Variants in SHANK2 observed in about 807,000 individuals in gnomAD.
SHANK2 encodes SH3 and multiple ankyrin repeat domains protein 2.
A neutral mutation model predicts 133.7 loss-of-function variants in SHANK2; 43 were observed. That is an observed-to-expected ratio of 0.32 (90% CI 0.25 to 0.41). The LOEUF (loss-of-function observed/expected upper bound fraction) is 0.41. Ranked by LOEUF, SHANK2 falls within the 10% of genes least tolerant of loss-of-function variation. The pLI, the probability that SHANK2 is intolerant of heterozygous loss-of-function variation, is 1.00. For missense variants in SHANK2, 1,994 were observed against 2,235.8 expected, an observed-to-expected ratio of 0.89 and a Z score of 2.18; for synonymous variants, 1,017 against 952.8, an observed-to-expected ratio of 1.07 and a Z score of -1.24.
intron 1 of SHANK2, among the ~76,000 whole-genome samples, chr11:71,243,252 T>C (rs1372474888): frequency 6.6e-6 from 1 of 151,882 alleles, no homozygotes; most frequent in African/African-American, 2.4e-5. Context: ...AGAAAAGCAA[T>C]AAAGAAAATC....
At chr11:70,672,424 C>T (rs1310284272) in intron 15 of SHANK2, among the ~76,000 whole-genome samples, 1 of 152,228 alleles carries the variant, frequency 6.6e-6, no homozygotes, top group African/African-American at 2.4e-5. Flanking sequence ...CTTTTGTGAT[C>T]TGATTCATGC....
At chr11:70,600,455 GA>G (rs2060479491) in intron 17 of SHANK2, among the ~76,000 whole-genome samples, 1 of 147,016 alleles carries the variant, frequency 6.8e-6, no homozygotes, top group African/African-American at 2.5e-5. Flanking sequence ...AAAAGAAAAA[GA>G]AAAAAAGAAG....
chr11:71,127,869 C>T (rs1555103033), intron 3 of SHANK2, among the ~76,000 whole-genome samples: 1 of 152,224 alleles, frequency 6.6e-6, no homozygotes, highest in East Asian at 1.9e-4. Context: ...ATGTTCAGGT[C>T]ATTTCTGGAT....
chr11:70,539,155 C>A (rs1591552333), intron 17 of SHANK2, among the ~76,000 whole-genome samples: 1 of 152,172 alleles, frequency 6.6e-6, no homozygotes, highest in African/African-American at 2.4e-5. Context: ...CAGAGGCAGG[C>A]CCATGCACAC....
intron 10 of SHANK2, chr11:70,942,948 TCC>T (rs2135853616): frequency 2.2e-6 from 1 of 451,140 alleles, no homozygotes; most frequent in Non-Finnish European, 4.5e-6. Context: ...GGAAAGTGCA[TCC>T]CTCTCAAAGC....
intron 2 of SHANK2, among the ~76,000 whole-genome samples, chr11:71,148,331 G>A (rs1159346775): frequency 6.6e-6 from 1 of 152,262 alleles, no homozygotes; most frequent in East Asian, 1.9e-4. Context: ...TGATCCACCC[G>A]CCTTGGCCTC....
intron 3 of SHANK2, among the ~76,000 whole-genome samples, chr11:71,124,142 T>C (rs1385843993): frequency 2.3e-5 from 3 of 131,600 alleles, no homozygotes; most frequent in Non-Finnish European, 4.9e-5. Context: ...ATGGTGATAA[T>C]GGTGATGATG....
intron 14 of SHANK2, among the ~76,000 whole-genome samples, chr11:70,717,656 C>T (rs924756909): frequency 2.0e-5 from 3 of 152,134 alleles, no homozygotes; most frequent in African/African-American, 7.2e-5. Flanking sequence ...CAGCCCACAG[C>T]GTACCTCCAA....
chr11:71,180,486 C>T (rs1299084343), intron 2 of SHANK2, among the ~76,000 whole-genome samples: 1 of 152,042 alleles, frequency 6.6e-6, no homozygotes, highest in Admixed American at 6.6e-5. Context: ...AGTTCCTTAC[C>T]CTGTGCCCAT....
At chr11:70,919,630 C>T (rs1950320122) in intron 10 of SHANK2, among the ~76,000 whole-genome samples, 1 of 152,202 alleles carries the variant, frequency 6.6e-6, no homozygotes, top group African/African-American at 2.4e-5. Context: ...GATCCACCCG[C>T]CTTGACCTCC....
At chr11:70,879,112 T>C (rs1381100229) in intron 11 of SHANK2, among the ~76,000 whole-genome samples, 1 of 152,206 alleles carries the variant, frequency 6.6e-6, no homozygotes, top group Non-Finnish European at 1.5e-5. Flanking sequence ...GATGCCTCCA[T>C]CTGGCACCTG....
chr11:70,591,754 C>G (rs530013342), intron 17 of SHANK2, among the ~76,000 whole-genome samples: 2 of 152,104 alleles, frequency 1.3e-5, no homozygotes, highest in African/African-American at 2.4e-5. Flanking sequence ...CGGTGGCTCA[C>G]ACCTGTAATC....
chr11:70,478,425 A>G (rs2058691414), intron 25 of SHANK2, among the ~76,000 whole-genome samples: 1 of 152,348 alleles, frequency 6.6e-6, no homozygotes, highest in Admixed American at 6.5e-5. Flanking sequence ...GAGCCTGTCA[A>G]CATATGTTCT....
At chr11:70,599,959 G>GAAAGA (rs1169364429) in intron 17 of SHANK2, among the ~76,000 whole-genome samples, 2 of 126,690 alleles carry the variant, frequency 1.6e-5, no homozygotes, top group Non-Finnish European at 3.3e-5. Flanking sequence ...AAGAAAGAAA[G>GAAAGA]AAAGAAAGAA....
At chr11:71,181,134 G>C (rs962443151) in intron 2 of SHANK2, among the ~76,000 whole-genome samples, 1 of 152,056 alleles carries the variant, frequency 6.6e-6, no homozygotes, top group Non-Finnish European at 1.5e-5. Flanking sequence ...TGGAGAAGCC[G>C]ACCAGCTTGC....
chr11:71,150,985 C>A (rs1349356693), intron 2 of SHANK2, among the ~76,000 whole-genome samples: 1 of 152,146 alleles, frequency 6.6e-6, no homozygotes, highest in African/African-American at 2.4e-5. Flanking sequence ...GCCTCCTGAG[C>A]CCACTCCACC....
chr11:70,896,440 C>A, intron 11 of SHANK2, 61 bp downstream of exon 11: 1 of 668,230 alleles, frequency 1.5e-6, no homozygotes, highest in Non-Finnish European at 2.8e-6. Flanking sequence ...TGGTGAGTGA[C>A]TGATTCCTCA....
At chr11:70,922,463 A>G (rs1318279021) in intron 10 of SHANK2, among the ~76,000 whole-genome samples, 1 of 152,224 alleles carries the variant, frequency 6.6e-6, no homozygotes. Flanking sequence ...ACAAATACTG[A>G]AAACCAAGGA....
intron 2 of SHANK2, among the ~76,000 whole-genome samples, chr11:71,154,659 C>T (rs1952864051): frequency 2.0e-5 from 3 of 152,156 alleles, no homozygotes; most frequent in African/African-American, 7.2e-5. Flanking sequence ...CTTACCCCAC[C>T]CACGCTCCCA....
Sources: allele counts gnomAD v4.1 joint callset (sites outside exome capture counted in the v4.1 genomes callset), GRCh38; gene constraint gnomAD v4.1.1; transcripts MANE v1.5; gene names NCBI Gene and HGNC (gene_info 2026-07-23, HGNC 2026-07-21).